The following EDNRB variants were observed in gnomAD, a reference collection of about 807,000 sequenced individuals.
EDNRB encodes the protein Hirschsprung disease 2.
In EDNRB, 18 loss-of-function variants were observed where a neutral mutation model predicts 46.4. The observed-to-expected ratio is 0.39, with a 90% CI of 0.27 to 0.57. The LOEUF is 0.57. Among genes scored for constraint, EDNRB ranks in the 20% least tolerant of loss-of-function variants. The pLI is 0.61. For synonymous variants in EDNRB, 213 were observed against 204.9 expected (o/e 1.04, Z -0.34); for missense variants, 434 against 537.5 (o/e 0.81, Z 1.90).
chr13:77,924,498 C>T (rs1409366874), upstream of EDNRB, among the ~76,000 whole-genome samples: 1 of 152,008 alleles, frequency 6.6e-6, no homozygotes, highest in South Asian at 2.1e-4. Flanking sequence ...AATGGGAAAT[C>T]CAAGAAGCGG....
chr13:77,940,533 A>G (rs1375085377), intron 1 of EDNRB, among the ~76,000 whole-genome samples: 1 of 152,212 alleles, frequency 6.6e-6, no homozygotes, highest in East Asian at 1.9e-4. Context: ...TTTTAGTGCA[A>G]TAAGTCTGGC....
At chr13:77,969,701 A>C (rs536259347) in intron 1 of EDNRB, among the ~76,000 whole-genome samples, 2 of 152,266 alleles carry the variant, frequency 1.3e-5, no homozygotes, top group Non-Finnish European at 2.9e-5. Flanking sequence ...TTTTCATTTT[A>C]TTCAGTAGGG....
chr13:77,929,130 G>A (rs1880317507), intron 1 of EDNRB, among the ~76,000 whole-genome samples: 1 of 152,152 alleles, frequency 6.6e-6, no homozygotes, highest in South Asian at 2.1e-4. Flanking sequence ...TTCTGGAAGT[G>A]ACTGACAACA....
At chr13:77,955,418 G>T (rs892117063) in intron 1 of EDNRB, among the ~76,000 whole-genome samples, 3 of 151,990 alleles carry the variant, frequency 2.0e-5, no homozygotes, top group Admixed American at 6.5e-5. Flanking sequence ...CCATTCTGTT[G>T]GTTCCCATTT....
At chr13:77,966,343 C>T (rs1019073463) in intron 1 of EDNRB, among the ~76,000 whole-genome samples, 1 of 152,158 alleles carries the variant, frequency 6.6e-6, no homozygotes, top group Non-Finnish European at 1.5e-5. Context: ...TCTATTTCTT[C>T]TTATATGTGG....
chr13:77,961,852 GA>G (rs1300560569), intron 1 of EDNRB, among the ~76,000 whole-genome samples: 2 of 152,070 alleles, frequency 1.3e-5, no homozygotes, highest in Non-Finnish European at 2.9e-5. Context: ...CTGGTTTTTT[GA>G]AAAGGTCAAC....
At chr13:77,928,755 T>C (rs1465009963) in intron 1 of EDNRB, among the ~76,000 whole-genome samples, 2 of 152,206 alleles carry the variant, frequency 1.3e-5, no homozygotes, top group Non-Finnish European at 2.9e-5. Flanking sequence ...AGGGAAAAGC[T>C]GAATTTGCTC....
Position 77,898,150 on chromosome 13 carries a change from T to A in EDNRB, c.*50A>T. 1.3e-6 allele frequency: 2 copies of A among 1,599,208 alleles called. No homozygotes were observed. The highest frequency in any genetic ancestry group is 1.7e-6 in the Non-Finnish European group (2 of 1,172,046). On this transcript the variant is annotated 3_prime_UTR_variant, in exon 7 of 7. Coordinates refer to ENST00000646607, the MANE Select transcript of EDNRB (RefSeq NM_001122659.3). ...TGGCAAATGTTTCATTTTGTTTTAATGACTTCGGTCCAATATAAAGAAAAT... is the reference window on the plus strand; with the variant it reads ...TGGCAAATGTTTCATTTTGTTTTAAAGACTTCGGTCCAATATAAAGAAAAT...
At chr13:77,927,255 T>A (rs1169311288) in intron 1 of EDNRB, among the ~76,000 whole-genome samples, 1 of 152,220 alleles carries the variant, frequency 6.6e-6, no homozygotes, top group East Asian at 1.9e-4. Flanking sequence ...GTCCTAGATC[T>A]AGATGCTTGA....
intron 6 of EDNRB, among the ~76,000 whole-genome samples, chr13:77,898,966 G>C (rs1594354950): frequency 6.6e-6 from 1 of 151,702 alleles, no homozygotes; most frequent in South Asian, 2.1e-4. Context: ...AGGTTATATA[G>C]TACAAAAGCA....
At chr13:77,948,682 A>G (rs1880999580) in intron 1 of EDNRB, among the ~76,000 whole-genome samples, 1 of 152,206 alleles carries the variant, frequency 6.6e-6, no homozygotes, top group African/African-American at 2.4e-5. Context: ...TCACATGCAC[A>G]TGAGTTTGAT....
In EDNRB at chr13:77,895,682, A is replaced by G. The variant is rs1878584600; in HGVS notation, c.*2518T>C. The G allele has an allele frequency of 6.6e-6, 1 of 152,090 alleles. No individual in the cohort carries two copies. The highest frequency in any genetic ancestry group is 2.1e-4 in the South Asian group (1 of 4,832). 9.4% of individuals were successfully genotyped at this position (152,090 alleles called of 1,614,324 possible). ...AATTTTTATTGGTTTTGCTTACATAATAAAAAATCAGTAACTATAGCCACT... is the reference window on the plus strand; with the variant it reads ...AATTTTTATTGGTTTTGCTTACATAGTAAAAAATCAGTAACTATAGCCACT... On this transcript the variant is annotated 3_prime_UTR_variant, in exon 7 of 7. Coordinates refer to ENST00000646607, the MANE Select transcript of EDNRB (RefSeq NM_001122659.3).
At chr13:77,964,130 G>A (rs1881509757) in intron 1 of EDNRB, among the ~76,000 whole-genome samples, 1 of 152,192 alleles carries the variant, frequency 6.6e-6, no homozygotes, top group Non-Finnish European at 1.5e-5. Context: ...AACAGGTGCT[G>A]GAGAGGATGT....
chr13:77,919,232 G>A, upstream of EDNRB: 9 of 747,062 alleles, frequency 1.2e-5, no homozygotes, highest in Non-Finnish European at 1.9e-5. Flanking sequence ...CCTCCAAACG[G>A]CTTCAAACAC....
At position 77,903,137 on chromosome 13, in the gene EDNRB, TA is replaced by T; in HGVS notation, c.801+18del. ...TATAAGGCAAGAGCAGAAAGGAAAA[TA>T]AAAAAAGTGAAATTTACCTGCATGA... On this transcript the variant is annotated intron_variant, in intron 3 of 6. Transcript: ENST00000646607. 1 of 1,611,682 alleles carries T rather than the reference TA, an allele frequency of 6.2e-7. No individual in the cohort carries two copies. Among genetic ancestry groups the T allele is most frequent in the Non-Finnish European group, 8.5e-7 (1 of 1,178,786 alleles).
At chr13:77,962,523 A>G (rs1339766322) in intron 1 of EDNRB, among the ~76,000 whole-genome samples, 2 of 152,206 alleles carry the variant, frequency 1.3e-5, no homozygotes, top group Admixed American at 6.5e-5. Context: ...CAAAAACCAC[A>G]TGATTATCAC....
At chr13:77,946,430 A>G (rs1880919465) in intron 1 of EDNRB, among the ~76,000 whole-genome samples, 2 of 152,206 alleles carry the variant, frequency 1.3e-5, no homozygotes, top group Admixed American at 6.5e-5. Context: ...ATACAATTAT[A>G]CAGAAGGTTT....
At chr13:77,953,014 A>G (rs968679769) in intron 1 of EDNRB, among the ~76,000 whole-genome samples, 4 of 152,186 alleles carry the variant, frequency 2.6e-5, no homozygotes, top group Non-Finnish European at 5.9e-5. Context: ...GCATCTCAAG[A>G]CACTGGATTC....
At chr13:77,919,165 A>G (rs1375735472), upstream of EDNRB, 3 of 560,108 alleles carry the variant, frequency 5.4e-6, no homozygotes, top group Non-Finnish European at 8.9e-6. Flanking sequence ...AGTGCGCCGG[A>G]GATTCGGAAA....
Sources: gnomAD v4.1 joint callset for allele counts (sites outside exome capture counted in the v4.1 genomes callset) on GRCh38, gnomAD v4.1.1 for gene constraint, MANE v1.5 for transcripts, NCBI Gene and HGNC (gene_info 2026-07-23, HGNC 2026-07-21) for gene names.